Variants in REEP5 observed in about 807,000 individuals in gnomAD.
REEP5 encodes the protein receptor accessory protein 5, also known as receptor expression-enhancing protein 5.
Under a neutral mutation model 22.4 loss-of-function variants are expected in REEP5, and 24 were observed. The ratio of observed to expected loss-of-function variants is 1.07; its 90% CI spans 0.78 to 1.51. The LOEUF is 1.51. REEP5 is among the 40% of genes most tolerant of loss of function. The pLI, the probability that REEP5 is intolerant of heterozygous loss-of-function variation, is 0.00. For missense variants in REEP5, 252 were observed against 233.0 expected (o/e 1.08, Z -0.53); for synonymous variants, 103 against 88.6 (o/e 1.16, Z -0.92).
intron 3 of REEP5, chr5:112,892,920 C>T (rs1331042515): frequency 6.2e-7 from 1 of 1,606,386 alleles, no homozygotes; most frequent in East Asian, 2.2e-5. Flanking sequence ...ATTCACCAAG[C>T]AGAGGAAGAA....
intron 2 of REEP5, among the ~76,000 whole-genome samples, chr5:112,918,694 C>T (rs148212935): frequency 0.011 from 1,682 of 152,276 alleles, 23 homozygotes; most frequent in Non-Finnish European, 0.013. Flanking sequence ...ATGCAAACTC[C>T]CTACCACCAT....
intron 3 of REEP5, chr5:112,891,783 C>G (rs370697422): frequency 1.7e-5 from 27 of 1,612,974 alleles, no homozygotes; most frequent in East Asian, 4.5e-5. Flanking sequence ...ACTCAGGACT[C>G]TCACAGGAGG....
chr5:112,887,996 T>G (rs1246120766), intron 3 of REEP5, among the ~76,000 whole-genome samples: 1 of 152,218 alleles, frequency 6.6e-6, no homozygotes, highest in Non-Finnish European at 1.5e-5. Context: ...CCCTAGAAAG[T>G]TTAATAAACA....
chr5:112,901,015 T>C (rs1768828565), intron 3 of REEP5, among the ~76,000 whole-genome samples: 2 of 151,968 alleles, frequency 1.3e-5, no homozygotes, highest in Non-Finnish European at 2.9e-5. Flanking sequence ...TTCGTTTGTA[T>C]TTTAGTAGAG....
chr5:112,921,442 G>A (rs1394772321), intron 1 of REEP5, 186 bp from the exon 2 acceptor site: 43 of 623,772 alleles, frequency 6.9e-5, no homozygotes, highest in South Asian at 6.9e-4. Flanking sequence ...CTTGAAGTCT[G>A]GGGATACCAG....
At chr5:112,879,837 G>A (rs1768015736) in intron 4 of REEP5, among the ~76,000 whole-genome samples, 1 of 151,990 alleles carries the variant, frequency 6.6e-6, no homozygotes, top group Non-Finnish European at 1.5e-5. Context: ...GCAGCACTTT[G>A]GGAGGCTGAG....
chr5:112,881,750 C>T (rs1013017850), intron 4 of REEP5, among the ~76,000 whole-genome samples: 1 of 151,970 alleles, frequency 6.6e-6, no homozygotes. Flanking sequence ...CTTAATGTTC[C>T]TTTCTAACAC....
chr5:112,893,094 T>TAAAAAAAAAAAAAAA (rs552226372), intron 3 of REEP5: 95 of 501,474 alleles, frequency 1.9e-4, no homozygotes, highest in South Asian at 2.5e-4. Context: ...GTTTTGTTCT[T>TAAAAAAAAAAAAAAA]AAAAAAAAAA....
At chr5:112,899,127 A>G (rs1171794949) in intron 3 of REEP5, among the ~76,000 whole-genome samples, 1 of 151,890 alleles carries the variant, frequency 6.6e-6, no homozygotes, top group Non-Finnish European at 1.5e-5. Flanking sequence ...CACCCAGGCT[A>G]GAGTGCAGTT....
In REEP5 at chr5:112,898,619, C is replaced by A. The variant is rs558172891; in HGVS notation, c.351+3761G>T. ...GAGGTCAGAACTACTGCAAGTAGTT[C>A]TGCTGACAAGATAGTGTTCACTGCC... is the stretch of plus-strand genomic sequence containing the variant. On this transcript the variant is annotated intron_variant, in intron 3 of 4. Coordinates refer to ENST00000379638, the MANE Select transcript of REEP5 (RefSeq NM_005669.5). 3.9e-5 allele frequency among the ~76,000 whole-genome samples: 6 copies of A among 152,270 alleles called. No individual in the cohort carries two copies. The South Asian group carries it at 1.2e-3, about 32-fold the overall frequency.
chr5:112,878,931 C>T, intron 4 of REEP5, 96 bp from the exon 5 acceptor site: 1 of 1,586,064 alleles, frequency 6.3e-7, no homozygotes, highest in Non-Finnish European at 8.6e-7. Flanking sequence ...TACTAGATAA[C>T]AAAACTTGGA....
chr5:112,904,463 A>G (rs1252470210), intron 2 of REEP5, among the ~76,000 whole-genome samples: 1 of 152,222 alleles, frequency 6.6e-6, no homozygotes, highest in African/African-American at 2.4e-5. Context: ...CATTTCACTC[A>G]AGGTCTTAGT....
rs965300371 is a variant in REEP5 at position 112,876,473 on chromosome 5, T to C, written c.*2313A>G. 6.6e-5 allele frequency: 10 copies of C among 152,218 alleles called. No individual in the cohort carries two copies. Among genetic ancestry groups the C allele is most frequent in the Non-Finnish European group, 1.5e-4 (10 of 68,036 alleles). 9.4% of individuals were successfully genotyped at this position (152,218 alleles called of 1,614,324 possible). A position where few individuals can be genotyped will look rare whatever the true frequency, so the allele number is the denominator to read the frequency against. On this transcript the variant is annotated 3_prime_UTR_variant, in exon 5 of 5. Coordinates refer to ENST00000379638, the MANE Select transcript of REEP5 (RefSeq NM_005669.5). Reference sequence around the variant, plus strand: ...ATAGGTGATAACAGTGTGAAGGGTGTGCTCATTTTCTTCAGCTGTGAGTAG... The same window carrying C: ...ATAGGTGATAACAGTGTGAAGGGTGCGCTCATTTTCTTCAGCTGTGAGTAG...
At position 112,921,211 on chromosome 5, in the gene REEP5, G is replaced by A. The variant is rs1312055031; in HGVS notation, c.164C>T (p.Ala55Val). 6.2e-7 allele frequency: 1 copy of A among 1,614,020 alleles called. No individual in the cohort carries two copies. Among genetic ancestry groups the A allele is most frequent in the East Asian group, 2.2e-5 (1 of 44,880 alleles). The change falls in exon 2 of 5, where the codon GCC becomes GTC. Residue 55 changes from alanine to valine, a missense_variant. Transcript: ENST00000379638. ...VALYLVFGYG[A>V]SLLCNLIGFG... ...TCCTATCAGGTTGCAGAGGAGAGAG[G>A]CTCCATAACCGAACACCAGGTACAA...
chr5:112,910,754 AC>A (rs1769085185), intron 2 of REEP5, among the ~76,000 whole-genome samples: 1 of 152,310 alleles, frequency 6.6e-6, no homozygotes, highest in East Asian at 1.9e-4. Context: ...TATTACAGCA[AC>A]CGGTCACTAT....
At chr5:112,900,731 C>G (rs563694312) in intron 3 of REEP5, among the ~76,000 whole-genome samples, 2 of 152,230 alleles carry the variant, frequency 1.3e-5, no homozygotes, top group South Asian at 2.1e-4. Context: ...CTTACTAGTA[C>G]TAGCATGGAC....
chr5:112,918,852 G>T (rs1053449587), intron 2 of REEP5, among the ~76,000 whole-genome samples: 2 of 152,168 alleles, frequency 1.3e-5, no homozygotes, highest in Non-Finnish European at 2.9e-5. Context: ...CCCTGGCTCT[G>T]CTCTTGGCTG....
chr5:112,901,012 G>C lies in REEP5; in HGVS notation c.351+1368C>G, dbSNP rs568076001. Reference sequence around the variant, plus strand: ...CTGCCACACCCAGCTAATTTCGTTTGTATTTTAGTAGAGACAGGGTTTCAC... The same window carrying C: ...CTGCCACACCCAGCTAATTTCGTTTCTATTTTAGTAGAGACAGGGTTTCAC... On this transcript the variant is annotated intron_variant, in intron 3 of 4. Transcript: ENST00000379638. Among the ~76,000 whole-genome samples the C allele has an allele frequency of 1.2e-4, 18 of 151,900 alleles. No homozygotes were observed. In the East Asian group the frequency reaches 2.9e-3, roughly 25 times the overall value.
At chr5:112,919,080 A>G (rs1344976425) in intron 2 of REEP5, among the ~76,000 whole-genome samples, 1 of 152,232 alleles carries the variant, frequency 6.6e-6, no homozygotes, top group Non-Finnish European at 1.5e-5. Flanking sequence ...ATGAACCTGT[A>G]TTTTAAAAAA....
Sources: gnomAD v4.1 joint callset for allele counts (sites outside exome capture counted in the v4.1 genomes callset) on GRCh38, gnomAD v4.1.1 for gene constraint, MANE v1.5 for transcripts, NCBI Gene and HGNC (gene_info 2026-07-23, HGNC 2026-07-21) for gene names.